DCAF4: variants seen among roughly 807,000 people sequenced by gnomAD.
The protein encoded by DCAF4 is DDB1- and CUL4-associated factor 4.
In DCAF4, 37 loss-of-function variants were observed where a neutral mutation model predicts 60.9. That is an observed-to-expected ratio of 0.61 (90% CI 0.47 to 0.80). The LOEUF is 0.80. Among genes scored for constraint, DCAF4 ranks in the 30% least tolerant of loss-of-function variants. The pLI is 0.00. For missense variants in DCAF4, 577 were observed against 650.0 expected, an observed-to-expected ratio of 0.89 and a Z score of 1.22; for synonymous variants, 243 against 254.8, an observed-to-expected ratio of 0.95 and a Z score of 0.44.
intron 1 of DCAF4, among the ~76,000 whole-genome samples, chr14:72,932,990 C>T (rs886704277): frequency 2.6e-5 from 4 of 152,136 alleles, no homozygotes; most frequent in African/African-American, 9.7e-5. Context: ...CCTCCTGCCT[C>T]GGCTTCCCGA....
Position 72,938,029 on chromosome 14 carries a change from CCAG to C in DCAF4, c.55_57del (p.Gln19del). The C allele has an allele frequency of 6.2e-7, 1 of 1,611,340 alleles. No individual in the cohort carries two copies. The highest frequency in any genetic ancestry group is 8.5e-7 in the Non-Finnish European group (1 of 1,179,250). On this transcript the variant is annotated inframe_deletion, in exon 2 of 14. Transcript: ENST00000358377. ...GAAGACGACATGGGAGAAGAAGCCA[CCAG>C]CAGAACCCTTGGTTCAGACTCCGTG...
At chr14:72,928,341 A>G (rs1728677041) in intron 1 of DCAF4, among the ~76,000 whole-genome samples, 1 of 150,640 alleles carries the variant, frequency 6.6e-6, no homozygotes, top group South Asian at 2.1e-4. Flanking sequence ...CTACGGGCGC[A>G]CGCCACCGCG....
chr14:72,931,211 G>A (rs1472037432), intron 1 of DCAF4, among the ~76,000 whole-genome samples: 1 of 148,322 alleles, frequency 6.7e-6, no homozygotes, highest in African/African-American at 2.5e-5. Flanking sequence ...ATAGTTTTCT[G>A]TGTACACGCC....
chr14:72,927,641 G>A (rs180945194), intron 1 of DCAF4, among the ~76,000 whole-genome samples: 51 of 152,084 alleles, frequency 3.4e-4, no homozygotes, highest in East Asian at 2.5e-3. Context: ...GTGAGCCACC[G>A]CGCCCGGCCT....
chr14:72,945,892 C>T lies in DCAF4; in HGVS notation c.543C>T (p.Thr181=). The part of the protein sequence containing the change: ...SDRFNLILAD[T]NSDRLFTVND... ...CCCCTTCCCTTCTCCAGGCAGATAC[C>T]AACAGTGACCGGCTCTTCACAGTGA... is the stretch of plus-strand genomic sequence containing the variant. Residue 181 remains threonine, a synonymous_variant, in exon 7 of 14, where the codon ACC becomes ACT. Transcript: ENST00000358377. 1.2e-6 allele frequency: 2 copies of T among 1,614,182 alleles called. No homozygotes were observed. Among genetic ancestry groups the T allele is most frequent in the African/African-American group, 2.7e-5 (2 of 75,034 alleles).
chr14:72,955,985 C>CG, intron 12 of DCAF4, among the ~76,000 whole-genome samples: 1 of 117,760 alleles, frequency 8.5e-6, no homozygotes. Flanking sequence ...TGCAGTGGTA[C>CG]TATCTTGGCT....
chr14:72,961,851 G>A (rs1441487194), downstream of DCAF4: 3 of 1,079,878 alleles, frequency 2.8e-6, no homozygotes, highest in African/African-American at 3.4e-5. Flanking sequence ...TGCCCCCAAG[G>A]GCATCCTCTC....
In DCAF4 at chr14:72,959,261, G is replaced by A. The variant is rs1035762421; in HGVS notation, c.*456G>A. 8.1e-6 allele frequency: 8 copies of A among 987,258 alleles called. No individual in the cohort carries two copies. The highest frequency in any genetic ancestry group is 9.6e-6 in the Non-Finnish European group (8 of 831,238). The allele number at this position is 987,258 out of a possible 1,614,324, so 61.2% of individuals were successfully genotyped here. ...GCATCTGTACTTGGGGAAGCCAGCG[G>A]AGAGGACGGGGAGGTTACTTCTCTA... is the stretch of plus-strand genomic sequence containing the variant. On this transcript the variant is annotated 3_prime_UTR_variant, in exon 14 of 14. Coordinates refer to ENST00000358377, the MANE Select transcript of DCAF4 (RefSeq NM_015604.4).
intron 8 of DCAF4, among the ~76,000 whole-genome samples, chr14:72,949,991 A>G (rs1055510521): frequency 1.3e-5 from 2 of 152,148 alleles, no homozygotes; most frequent in Admixed American, 6.5e-5. Context: ...CCATGAGGGC[A>G]GGAAGAGGCC....
At chr14:72,938,750 T>C (rs187470758) in intron 2 of DCAF4, among the ~76,000 whole-genome samples, 1 of 152,260 alleles carries the variant, frequency 6.6e-6, no homozygotes, top group Non-Finnish European at 1.5e-5. Flanking sequence ...ATAAGATTTT[T>C]TTTTAAATGG....
chr14:72,952,626 A>G (rs1357106265), intron 9 of DCAF4, among the ~76,000 whole-genome samples: 1 of 151,062 alleles, frequency 6.6e-6, no homozygotes, highest in African/African-American at 2.4e-5. Flanking sequence ...TTGGGGAGGT[A>G]GTAATTGGGA....
At chr14:72,955,745 C>A (rs773208130) in intron 12 of DCAF4, 49 bp downstream of exon 12, 1 of 1,538,986 alleles carries the variant, frequency 6.5e-7, no homozygotes, top group Non-Finnish European at 8.9e-7. Flanking sequence ...TGGCCCAGTG[C>A]CCTGCCAGGT....
intron 4 of DCAF4, chr14:72,940,591 GT>G (rs60174440): frequency 0.012 from 3,524 of 284,472 alleles, no homozygotes; most frequent in South Asian, 0.036. Context: ...TCGATAAGTT[GT>G]TTTTTTTTTT....
chr14:72,930,267 GT>G (rs574381292), intron 1 of DCAF4, among the ~76,000 whole-genome samples: 1 of 150,012 alleles, frequency 6.7e-6, no homozygotes, highest in Non-Finnish European at 1.5e-5. Flanking sequence ...TTGAGACGGA[GT>G]TTTTTTTGTT....
At position 72,945,884 on chromosome 14, in the gene DCAF4, G is replaced by T; in HGVS notation, c.535G>T (p.Ala179Ser). ...CCCACTGCCCCCTTCCCTTCTCCAG[G>T]CAGATACCAACAGTGACCGGCTCTT... ...LASDRFNLIL[A>S]DTNSDRLFTV... is the part of the protein sequence containing the mutation. The change falls in exon 7 of 14, where the codon GCA becomes TCA. Residue 179 changes from alanine to serine, a missense_variant and splice_region_variant. Coordinates refer to ENST00000358377, the MANE Select transcript of DCAF4 (RefSeq NM_015604.4). 6.2e-7 allele frequency: 1 copy of T among 1,614,170 alleles called. No individual in the cohort carries two copies. The highest frequency in any genetic ancestry group is 8.5e-7 in the Non-Finnish European group (1 of 1,180,036).
intron 1 of DCAF4, among the ~76,000 whole-genome samples, chr14:72,933,863 C>T (rs1185746197): frequency 6.6e-6 from 1 of 152,200 alleles, no homozygotes; most frequent in Admixed American, 6.5e-5. Context: ...ATGAAATTTG[C>T]TGCCTAAATC....
At chr14:72,958,273 T>A (rs1892549667) in intron 13 of DCAF4, among the ~76,000 whole-genome samples, 1 of 151,994 alleles carries the variant, frequency 6.6e-6, no homozygotes, top group Admixed American at 6.6e-5. Flanking sequence ...ACCCTGTCCC[T>A]AAAAAATGGG....
chr14:72,960,295 G>A (rs114128363), downstream of DCAF4, among the ~76,000 whole-genome samples: 1,812 of 151,886 alleles, frequency 0.012, 34 homozygotes, highest in African/African-American at 0.042. Context: ...GATTATAGGC[G>A]CGTGCCACCA....
At chr14:72,955,430 G>C in intron 11 of DCAF4, 93 bp from the exon 12 acceptor site, 4 of 1,454,816 alleles carry the variant, frequency 2.7e-6, no homozygotes, top group South Asian at 2.6e-5. Context: ...TGACCCAGAG[G>C]CTGGAAGAGG....
Sources: gnomAD v4.1 joint callset for allele counts (sites outside exome capture counted in the v4.1 genomes callset) on GRCh38, gnomAD v4.1.1 for gene constraint, MANE v1.5 for transcripts, NCBI Gene and HGNC (gene_info 2026-07-23, HGNC 2026-07-21) for gene names.